Variants in UGT1A8 observed in about 807,000 individuals in gnomAD.
UGT1A8 encodes the protein UDP-glucuronosyltransferase 1A8.
UGT1A8 carries 39 observed loss-of-function variants against 45.3 expected under a neutral mutation model. The observed-to-expected ratio is 0.86, with a 90% confidence interval of 0.67 to 1.12. The LOEUF is 1.12. UGT1A8 is among the 50% of genes most tolerant of loss of function. UGT1A8 has a pLI of 0.00. For synonymous variants in UGT1A8, 275 were observed against 249.2 expected, an observed-to-expected ratio of 1.10 and a Z score of -0.97; for missense variants, 719 against 664.9, an observed-to-expected ratio of 1.08 and a Z score of -0.90.
intron 1 of UGT1A8, among the ~76,000 whole-genome samples, chr2:233,658,991 G>A (rs2073911956): frequency 6.6e-6 from 1 of 152,058 alleles, no homozygotes; most frequent in Non-Finnish European, 1.5e-5. Context: ...AAGCCTGTTG[G>A]GATTTTGGTT....
At chr2:233,717,972 C>G in intron 1 of UGT1A8, 1 of 447,844 alleles carries the variant, frequency 2.2e-6, no homozygotes, top group South Asian at 1.6e-5. Flanking sequence ...CTTTGGCATT[C>G]AGAAGAGGAA....
At chr2:233,747,302 A>C (rs1182136395) in intron 1 of UGT1A8, 17 of 1,602,464 alleles carry the variant, frequency 1.1e-5, no homozygotes, top group Non-Finnish European at 1.5e-5. Flanking sequence ...GAGAGTGGGA[A>C]GGTGCTGGTG....
intron 1 of UGT1A8, chr2:233,760,528 G>A (rs2125985500): frequency 1.2e-6 from 2 of 1,614,248 alleles, no homozygotes; most frequent in East Asian, 4.5e-5. Context: ...GACGTACCCT[G>A]TGCCATTCCA....
rs797046090 is a variant in UGT1A8, at chr2:233,760,524, C to CCGTA, written c.856-6509_856-6508insGTAC. ...GAGCATTTTACACCTTGAAGACGTA[C>CCGTA]CCTGTGCCATTCCAAAGGGAGGATG... On this transcript the variant is annotated intron_variant, in intron 1 of 4. Coordinates refer to ENST00000373450, the MANE Select transcript of UGT1A8 (RefSeq NM_019076.5). The CCGTA allele has an allele frequency of 6.2e-7, 1 of 1,614,240 alleles. No homozygotes were observed. The highest frequency in any genetic ancestry group is 1.6e-4 in the Middle Eastern group (1 of 6,062).
chr2:233,631,419 C>G (rs1396445546), intron 1 of UGT1A8, among the ~76,000 whole-genome samples: 1 of 152,178 alleles, frequency 6.6e-6, no homozygotes, highest in East Asian at 1.9e-4. Flanking sequence ...GCCACACTGT[C>G]TTCCACAATG....
chr2:233,718,505 ACAT>A (rs2076658456), intron 1 of UGT1A8, among the ~76,000 whole-genome samples: 1 of 152,230 alleles, frequency 6.6e-6, no homozygotes, highest in African/African-American at 2.4e-5. Context: ...GAAGGCAGTG[ACAT>A]GAAATGGGTG....
At chr2:233,632,477 A>C (rs897593645) in intron 1 of UGT1A8, among the ~76,000 whole-genome samples, 2 of 151,908 alleles carry the variant, frequency 1.3e-5, no homozygotes, top group Non-Finnish European at 2.9e-5. Context: ...GCATGGAATG[A>C]TTTTCCATTT....
At chr2:233,678,129 G>C (rs1280846653) in intron 1 of UGT1A8, among the ~76,000 whole-genome samples, 1 of 152,112 alleles carries the variant, frequency 6.6e-6, no homozygotes, top group Non-Finnish European at 1.5e-5. Context: ...GTACTTTTGG[G>C]CATAAAGATG....
intron 1 of UGT1A8, chr2:233,743,878 C>G (rs1692563278): frequency 7.3e-7 from 1 of 1,367,158 alleles, no homozygotes; most frequent in Non-Finnish European, 9.8e-7. Context: ...CGGATGAGGC[C>G]TGCCGGGGCA....
chr2:233,681,300 G>A (rs2074517649), intron 1 of UGT1A8, among the ~76,000 whole-genome samples: 2 of 151,944 alleles, frequency 1.3e-5, no homozygotes, highest in Non-Finnish European at 2.9e-5. Context: ...TTGGGAGGCC[G>A]AGATGGGCAG....
At chr2:233,757,520 A>G (rs1696548795) in intron 1 of UGT1A8, among the ~76,000 whole-genome samples, 1 of 144,544 alleles carries the variant, frequency 6.9e-6, no homozygotes. Flanking sequence ...CAAAGCCAAA[A>G]TCTTGCCTGT....
intron 1 of UGT1A8, chr2:233,729,645 G>T (rs752981175): frequency 8.7e-6 from 14 of 1,613,504 alleles, no homozygotes; most frequent in Non-Finnish European, 1.2e-5. Flanking sequence ...TGTTTTTTTT[G>T]AGGAACATTC....
intron 1 of UGT1A8, chr2:233,721,567 T>G (rs750626594): frequency 3.5e-4 from 56 of 162,222 alleles, no homozygotes; most frequent in Non-Finnish European, 4.6e-4. Context: ...TTCTGGGATA[T>G]CTTTTTCTTC....
intron 1 of UGT1A8, among the ~76,000 whole-genome samples, chr2:233,704,412 T>C (rs965264782): frequency 1.8e-4 from 28 of 152,182 alleles, no homozygotes; most frequent in African/African-American, 6.5e-4. Context: ...TTCAGATTTA[T>C]ACCAACTTAA....
intron 1 of UGT1A8, among the ~76,000 whole-genome samples, chr2:233,751,493 G>C (rs545881478): frequency 3.2e-4 from 48 of 152,200 alleles, no homozygotes; most frequent in Non-Finnish European, 6.2e-4. Context: ...AAAGACATGA[G>C]ATTTGGGAGG....
At chr2:233,744,867 G>T (rs1318227544) in intron 1 of UGT1A8, among the ~76,000 whole-genome samples, 4 of 151,860 alleles carry the variant, frequency 2.6e-5, no homozygotes, top group African/African-American at 7.3e-5. Flanking sequence ...ATTCTGAAGG[G>T]ATTAGTTTAG....
At chr2:233,743,597 T>A in intron 1 of UGT1A8, 1 of 1,367,346 alleles carries the variant, frequency 7.3e-7, no homozygotes. Flanking sequence ...GAATGGGTCC[T>A]GGCCGCCGAA....
chr2:233,658,019 T>C (rs978551744), intron 1 of UGT1A8, among the ~76,000 whole-genome samples: 1 of 11,248 alleles, frequency 8.9e-5, no homozygotes, highest in Non-Finnish European at 3.3e-4. Context: ...TTTCCTCCTC[T>C]TTTTTTTTTT....
intron 1 of UGT1A8, among the ~76,000 whole-genome samples, chr2:233,698,952 C>T (rs990930969): frequency 6.6e-6 from 1 of 152,240 alleles, no homozygotes; most frequent in Admixed American, 6.5e-5. Context: ...TCTGTCCAAG[C>T]TGGCCCTTGG....
Sources: allele counts gnomAD v4.1 joint callset (sites outside exome capture counted in the v4.1 genomes callset), GRCh38; gene constraint gnomAD v4.1.1; transcripts MANE v1.5; gene names NCBI Gene and HGNC (gene_info 2026-07-23, HGNC 2026-07-21).